SLCO3A1: variants seen among roughly 807,000 people sequenced by gnomAD.
SLCO3A1 encodes the protein PGE1 transporter.
SLCO3A1 carries 27 observed loss-of-function variants against 63.1 expected under a neutral mutation model. The observed-to-expected ratio is 0.43, with a 90% CI of 0.32 to 0.59. The LOEUF (loss-of-function observed/expected upper bound fraction) is 0.59. Among genes scored for constraint, SLCO3A1 ranks in the 20% least tolerant of loss-of-function variants. The probability of loss-of-function intolerance (pLI) is 0.09; values close to 1 mark genes in which losing one functional copy is unlikely to be tolerated. For synonymous variants in SLCO3A1, 473 were observed against 409.9 expected, an observed-to-expected ratio of 1.15 and a Z score of -1.86; for missense variants, 773 against 945.8, an observed-to-expected ratio of 0.82 and a Z score of 2.40.
chr15:92,013,549 C>T (rs1334256953), intron 2 of SLCO3A1, among the ~76,000 whole-genome samples: 1 of 152,144 alleles, frequency 6.6e-6, no homozygotes, highest in Non-Finnish European at 1.5e-5. Flanking sequence ...AACAAGGTGC[C>T]CCAGCCACCC....
intron 4 of SLCO3A1, among the ~76,000 whole-genome samples, chr15:92,113,060 A>G (rs1195525193): frequency 1.3e-5 from 2 of 152,174 alleles, no homozygotes; most frequent in Non-Finnish European, 2.9e-5. Context: ...ACAAAAGCCT[A>G]TTCCCTTAGT....
At position 92,165,259 on chromosome 15, in the gene SLCO3A1, T is replaced by A. The variant is rs2048484333; in HGVS notation, c.*2124T>A. On this transcript the variant is annotated 3_prime_UTR_variant, in exon 10 of 10. Transcript: ENST00000318445. The stretch of plus-strand genomic sequence containing the variant: ...CTTAGTGTTAGTATGTCCTTGCTTA[T>A]GAAAATGGGGACACTCATCAGTACG... 1 of 985,308 alleles carries A rather than the reference T, an allele frequency of 1.0e-6. No homozygotes were observed. The highest frequency in any genetic ancestry group is 4.7e-5 in the South Asian group (1 of 21,290). 61.0% of individuals were successfully genotyped at this position (985,308 alleles called of 1,614,324 possible).
At chr15:92,108,609 T>A (rs140580045) in intron 4 of SLCO3A1, among the ~76,000 whole-genome samples, 324 of 152,312 alleles carry the variant, frequency 2.1e-3, no homozygotes, top group African/African-American at 7.5e-3. Flanking sequence ...TGTGCTCCAT[T>A]GTAAGTTGTC....
At chr15:92,044,245 C>T (rs988969532) in intron 2 of SLCO3A1, among the ~76,000 whole-genome samples, 3 of 152,240 alleles carry the variant, frequency 2.0e-5, no homozygotes, top group Admixed American at 6.5e-5. Context: ...TTTATCCCTG[C>T]CTGCGTCTGC....
At chr15:92,069,390 A>C (rs1470446627) in intron 2 of SLCO3A1, among the ~76,000 whole-genome samples, 1 of 152,224 alleles carries the variant, frequency 6.6e-6, no homozygotes, top group Non-Finnish European at 1.5e-5. Context: ...AAAATATTTT[A>C]TGTACAGGGG....
intron 8 of SLCO3A1, among the ~76,000 whole-genome samples, chr15:92,148,507 T>C (rs2048260186): frequency 6.6e-6 from 1 of 152,200 alleles, no homozygotes; most frequent in Non-Finnish European, 1.5e-5. Context: ...TACCATTTTA[T>C]ACTTACTAAG....
Position 91,862,983 on chromosome 15 carries a change from TTGAA to T in SLCO3A1, c.180+8897_180+8900del, listed in dbSNP as rs1327925826. Among the ~76,000 whole-genome samples, 1 of 152,232 alleles carries T rather than the reference TTGAA, an allele frequency of 6.6e-6. No individual in the cohort carries two copies. Among genetic ancestry groups the T allele is most frequent in the Admixed American group, 6.5e-5 (1 of 15,286 alleles). On this transcript the variant is annotated intron_variant, in intron 1 of 9. Transcript: ENST00000318445. This position sits in a 1 kb window ranked among gnomAD's most constrained non-coding sequence, Gnocchi z 4.0. ...CTGATTAGAAGGAGAAATTACCACC[TTGAA>T]TATAAGCAGGTTGAAATTGGGAGAG...
At chr15:91,932,338 A>G (rs1899265012) in intron 2 of SLCO3A1, among the ~76,000 whole-genome samples, 1 of 152,038 alleles carries the variant, frequency 6.6e-6, no homozygotes, top group Non-Finnish European at 1.5e-5. Flanking sequence ...CTGTGTGCCC[A>G]TTTTCCAGTA....
At chr15:91,869,757 G>T (rs1300562247) in intron 1 of SLCO3A1, among the ~76,000 whole-genome samples, 2 of 152,064 alleles carry the variant, frequency 1.3e-5, no homozygotes, top group Non-Finnish European at 2.9e-5. Context: ...AGCCACAGGG[G>T]TTTAAAACAT....
In SLCO3A1 at chr15:92,162,998, A is replaced by T; in HGVS notation, c.1996A>T (p.Ser666Cys). The change falls in exon 10 of 10, where the codon AGT becomes TGT. Residue 666 changes from serine (S) to cysteine (C), a missense_variant. Physicochemically the swap from Ser to Cys is moderately radical, Grantham distance 112. This residue lies in a region of SLCO3A1 where 139 missense variants were observed against 131.4 expected (regional missense o/e 1.06). Transcript: ENST00000318445. ...IKNHEGGLSTSEFFASTLTLD... is the reference protein window; with the variant it reads ...IKNHEGGLSTCEFFASTLTLD... ...AAACCACGAGGGCGGGCTGAGCACC[A>T]GTGAGTTCTTTGCCTCTACTCTGAC... The T allele has an allele frequency of 6.2e-7, 1 of 1,613,344 alleles. No individual in the cohort carries two copies. The highest frequency in any genetic ancestry group is 8.5e-7 in the Non-Finnish European group (1 of 1,179,540).
intron 2 of SLCO3A1, among the ~76,000 whole-genome samples, chr15:91,959,757 A>AAT (rs902060202): frequency 1.4e-4 from 22 of 151,844 alleles, no homozygotes; most frequent in South Asian, 1.0e-3. Context: ...AAGTATAAAA[A>AAT]ATATACACAG....
intron 2 of SLCO3A1, among the ~76,000 whole-genome samples, chr15:91,921,786 G>A (rs1269507405): frequency 6.6e-6 from 1 of 151,328 alleles, no homozygotes; most frequent in Non-Finnish European, 1.5e-5. Flanking sequence ...CTGGAGCACA[G>A]TGGCGCCATC....
At chr15:92,119,343 A>G (rs1244612695) in intron 4 of SLCO3A1, among the ~76,000 whole-genome samples, 1 of 152,262 alleles carries the variant, frequency 6.6e-6, no homozygotes, top group African/African-American at 2.4e-5. Flanking sequence ...AAATAAAGAA[A>G]GAATGAAGTA....
chr15:92,134,515 G>T (rs1476256017), intron 7 of SLCO3A1, among the ~76,000 whole-genome samples: 3 of 152,156 alleles, frequency 2.0e-5, no homozygotes, highest in Non-Finnish European at 4.4e-5. Context: ...ATATAGTTAA[G>T]TGAAAAGAAC....
At chr15:92,053,685 TTTG>T (rs200744138) in intron 2 of SLCO3A1, among the ~76,000 whole-genome samples, 1 of 9,360 alleles carries the variant, frequency 1.1e-4, no homozygotes, top group Non-Finnish European at 3.4e-4. Flanking sequence ...TGTTTTTTTG[TTTG>T]TTTGTTTGTT....
intron 1 of SLCO3A1, among the ~76,000 whole-genome samples, chr15:91,913,485 C>G (rs1567182436): frequency 6.6e-6 from 1 of 152,208 alleles, no homozygotes; most frequent in Non-Finnish European, 1.5e-5. Flanking sequence ...TTTAGTGCTC[C>G]CCGAGTGCCT....
chr15:92,103,732 G>T lies in SLCO3A1; in HGVS notation c.746-547G>T, dbSNP rs571135140. Among the ~76,000 whole-genome samples the T allele has an allele frequency of 8.5e-5, 13 of 152,084 alleles. No homozygotes were observed. In the South Asian group the frequency reaches 2.7e-3, roughly 32 times the overall value. On this transcript the variant is annotated intron_variant, in intron 3 of 9. Coordinates refer to ENST00000318445, the MANE Select transcript of SLCO3A1 (RefSeq NM_013272.4). ...ATAGAGAGTTCAAACCACTGGCCTAGGGTCACACAGAGACAAAGGGGTAGG... is the reference window on the plus strand; with the variant it reads ...ATAGAGAGTTCAAACCACTGGCCTATGGTCACACAGAGACAAAGGGGTAGG...
chr15:92,130,378 G>A (rs1370671997), intron 7 of SLCO3A1, among the ~76,000 whole-genome samples: 4 of 152,200 alleles, frequency 2.6e-5, no homozygotes, highest in Non-Finnish European at 5.9e-5. Flanking sequence ...GCCTCACATT[G>A]TCTGCTGGGG....
intron 2 of SLCO3A1, among the ~76,000 whole-genome samples, chr15:92,069,138 C>T (rs1405699044): frequency 4.5e-5 from 6 of 132,476 alleles, no homozygotes; most frequent in Non-Finnish European, 7.9e-5. Context: ...GGGACATTTG[C>T]CAATAGCTGG....
Sources: gnomAD v4.1 joint callset for allele counts (sites outside exome capture counted in the v4.1 genomes callset) on GRCh38, gnomAD v4.1.1 for gene constraint, gnomAD v4.1.1 regional missense constraint, Gnocchi (gnomAD v3.1) non-coding constraint, MANE v1.5 for transcripts, NCBI Gene and HGNC (gene_info 2026-07-23, HGNC 2026-07-21) for gene names.